NEK1: variants seen among roughly 807,000 people sequenced by gnomAD.
The protein encoded by NEK1 is serine/threonine-protein kinase Nek1.
In NEK1, 137 loss-of-function variants were observed where a neutral mutation model predicts 182.1. That is an observed-to-expected ratio of 0.75 (90% CI 0.65 to 0.87). The LOEUF (loss-of-function observed/expected upper bound fraction) is 0.87, where lower values mean the gene tolerates loss of function less well. NEK1 is among the 40% of genes least tolerant of loss of function. NEK1 has a pLI of 0.00. For synonymous variants in NEK1, 513 were observed against 492.2 expected (o/e 1.04, Z -0.56); for missense variants, 1,391 against 1,494.4 (o/e 0.93, Z 1.14).
intron 23 of NEK1, among the ~76,000 whole-genome samples, chr4:169,506,300 T>C (rs375712763): frequency 3.3e-5 from 5 of 152,126 alleles, no homozygotes; most frequent in Non-Finnish European, 2.9e-5. Flanking sequence ...AAGGAAGATA[T>C]AGCTTGATAC....
At chr4:169,579,663 C>T (rs1766279050) in intron 11 of NEK1, among the ~76,000 whole-genome samples, 1 of 152,034 alleles carries the variant, frequency 6.6e-6, no homozygotes. Flanking sequence ...GTGGTGGGCA[C>T]CTGTATTCCC....
intron 19 of NEK1, among the ~76,000 whole-genome samples, chr4:169,516,365 G>C (rs1188455955): frequency 1.5e-5 from 2 of 129,700 alleles, no homozygotes; most frequent in Non-Finnish European, 3.1e-5. Context: ...TTTTTTTCTT[G>C]TAAATTTGTT....
At chr4:169,548,295 G>T (rs1382501478) in intron 18 of NEK1, among the ~76,000 whole-genome samples, 2 of 152,230 alleles carry the variant, frequency 1.3e-5, no homozygotes, top group East Asian at 3.9e-4. Flanking sequence ...ACTGGCAGAG[G>T]CTGAAGAACA....
chr4:169,393,265 T>A lies in NEK1; in HGVS notation c.*1245A>T, dbSNP rs1485279506. ...AGTAAAATAATAAATAAAAGACAAT[T>A]GATATACTTCAGGTAGATAATAAAA... On this transcript the variant is annotated 3_prime_UTR_variant, in exon 36 of 36. Transcript: ENST00000507142. 6.6e-6 allele frequency: 1 copy of A among 152,010 alleles called. No homozygotes were observed. Among genetic ancestry groups the A allele is most frequent in the African/African-American group, 2.4e-5 (1 of 41,380 alleles). The allele number at this position is 152,010 out of a possible 1,614,324, so 9.4% of individuals were successfully genotyped here. A position where few individuals can be genotyped will look rare whatever the true frequency, so the allele number is the denominator to read the frequency against.
intron 16 of NEK1, 48 bp from the exon 17 acceptor site, chr4:169,556,143 A>T: frequency 6.6e-7 from 1 of 1,508,356 alleles, no homozygotes; most frequent in Non-Finnish European, 9.0e-7. Context: ...ATAAGGCCTA[A>T]CAGGCCTGTA....
chr4:169,532,081 C>T (rs984448028), intron 19 of NEK1, among the ~76,000 whole-genome samples: 9 of 152,218 alleles, frequency 5.9e-5, no homozygotes, highest in African/African-American at 9.6e-5. Context: ...TGGTTGCCTA[C>T]GGCTGATGGC....
intron 18 of NEK1, among the ~76,000 whole-genome samples, chr4:169,544,599 G>GTTTTTTTT (rs139478702): frequency 1.2e-3 from 80 of 66,272 alleles, no homozygotes; most frequent in Non-Finnish European, 1.6e-3. Context: ...TCTGGTCATG[G>GTTTTTTTT]TTTTTTTTTT....
chr4:169,595,327 T>C (rs1054171536), intron 5 of NEK1, among the ~76,000 whole-genome samples: 2 of 152,166 alleles, frequency 1.3e-5, no homozygotes, highest in Non-Finnish European at 2.9e-5. Flanking sequence ...ATTTAATGAA[T>C]AGATGAGGAA....
chr4:169,611,700 T>C (rs1057111185), intron 2 of NEK1, among the ~76,000 whole-genome samples: 1 of 152,224 alleles, frequency 6.6e-6, no homozygotes, highest in African/African-American at 2.4e-5. Flanking sequence ...ACTACTCATA[T>C]TCGCTTCCTA....
At chr4:169,422,389 G>C (rs1735640808) in intron 31 of NEK1, among the ~76,000 whole-genome samples, 1 of 152,148 alleles carries the variant, frequency 6.6e-6, no homozygotes, top group Admixed American at 6.5e-5. Flanking sequence ...ATCCACTATA[G>C]AAAAAGTTGA....
chr4:169,461,170 A>C (rs947864052), intron 27 of NEK1, among the ~76,000 whole-genome samples: 2 of 152,188 alleles, frequency 1.3e-5, no homozygotes, highest in Non-Finnish European at 2.9e-5. Flanking sequence ...ACCAAAGCCC[A>C]TTCTCTTTCT....
intron 11 of NEK1, 48 bp downstream of exon 11, chr4:169,580,794 G>A: frequency 9.1e-7 from 1 of 1,098,238 alleles, no homozygotes; most frequent in African/African-American, 1.6e-5. Context: ...TTTAATTAGG[G>A]TTGATTATTG....
chr4:169,478,681 C>T (rs1185244854), intron 24 of NEK1, among the ~76,000 whole-genome samples: 2 of 151,872 alleles, frequency 1.3e-5, no homozygotes, highest in African/African-American at 2.4e-5. Flanking sequence ...AAATAAAAAG[C>T]ACAGACATCC....
intron 12 of NEK1, among the ~76,000 whole-genome samples, chr4:169,568,605 T>G (rs1256121325): frequency 6.6e-6 from 1 of 152,132 alleles, no homozygotes; most frequent in Non-Finnish European, 1.5e-5. Context: ...ATAAACTTTC[T>G]GAGCTATATT....
At chr4:169,546,726 G>A (rs1171526436) in intron 18 of NEK1, among the ~76,000 whole-genome samples, 2 of 152,132 alleles carry the variant, frequency 1.3e-5, no homozygotes, top group South Asian at 2.1e-4. Context: ...TTACCATTAC[G>A]CAATGCCCTT....
intron 9 of NEK1, 75 bp from the exon 10 acceptor site, chr4:169,585,624 G>C (rs1157814915): frequency 2.4e-5 from 22 of 927,566 alleles, no homozygotes; most frequent in Non-Finnish European, 3.2e-5. Flanking sequence ...ATGAGAAATA[G>C]TTCTTTTCCT....
At chr4:169,598,094 G>A (rs1357724953) in intron 5 of NEK1, among the ~76,000 whole-genome samples, 1 of 152,088 alleles carries the variant, frequency 6.6e-6, no homozygotes, top group African/African-American at 2.4e-5. Flanking sequence ...CAAAAGGGTG[G>A]AGAAAGAAGA....
At chr4:169,478,809 C>T (rs577230211) in intron 24 of NEK1, among the ~76,000 whole-genome samples, 1 of 152,298 alleles carries the variant, frequency 6.6e-6, no homozygotes. Context: ...CTCTTAACCC[C>T]TGAACAGTCT....
chr4:169,394,526 G>T lies in NEK1; in HGVS notation c.3848-3C>A. On this transcript the variant is annotated splice_region_variant and splice_polypyrimidine_tract_variant and intron_variant, in intron 35 of 35. Coordinates refer to ENST00000507142, the MANE Select transcript of NEK1 (RefSeq NM_001199397.3). ...TTTTGAGGATTATTCATCATTATCT[G>T]TAGAAAAAAGAAAAAAATTGACTTC... is the stretch of plus-strand genomic sequence containing the variant. The T allele has an allele frequency of 7.2e-7, 1 of 1,389,574 alleles. No homozygotes were observed. Among genetic ancestry groups the T allele is most frequent in the Non-Finnish European group, 9.9e-7 (1 of 1,012,924 alleles). 86.1% of individuals were successfully genotyped at this position (1,389,574 alleles called of 1,614,324 possible).
Sources: gnomAD v4.1 joint callset for allele counts (sites outside exome capture counted in the v4.1 genomes callset) on GRCh38, gnomAD v4.1.1 for gene constraint, MANE v1.5 for transcripts, NCBI Gene and HGNC (gene_info 2026-07-23, HGNC 2026-07-21) for gene names.